Variants in HMCN1 observed in about 807,000 individuals in gnomAD.
The protein encoded by HMCN1 is hemicentin 1.
A neutral mutation model predicts 625.9 loss-of-function variants in HMCN1; 321 were observed. That is an observed-to-expected ratio of 0.51 (90% confidence interval 0.47 to 0.56). HMCN1 has a LOEUF of 0.56. HMCN1 is among the 20% of genes least tolerant of loss of function. The probability of loss-of-function intolerance (pLI) is 0.00; values close to 1 mark genes in which losing one functional copy is unlikely to be tolerated. For missense variants in HMCN1, 6,588 were observed against 6,887.3 expected, an observed-to-expected ratio of 0.96 and a Z score of 1.54; for synonymous variants, 2,425 against 2,417.6, an observed-to-expected ratio of 1.00 and a Z score of -0.09.
At position 186,081,304 on chromosome 1, in the gene HMCN1, C is replaced by A; in HGVS notation, c.8697C>A (p.Ser2899Arg). 1 of 1,613,348 alleles carries A rather than the reference C, an allele frequency of 6.2e-7. No individual in the cohort carries two copies. The highest frequency in any genetic ancestry group is 8.5e-7 in the Non-Finnish European group (1 of 1,179,438). ...TGATAGAGTGTTTATCCAGTGGCAG[C>A]CCAGCACCAAGGAATTCCTGGCAGA... ...SALIECLSSG[S>R]PAPRNSWQKD... The change falls in exon 56 of 107, where the codon AGC (serine) becomes AGA (arginine). Residue 2899 changes from serine to arginine, a missense_variant. By Grantham distance (110) the Ser-to-Arg change is moderately radical. Transcript: ENST00000271588.
intron 1 of HMCN1, among the ~76,000 whole-genome samples, chr1:185,783,749 G>A (rs555084236): frequency 1.3e-5 from 2 of 152,326 alleles, no homozygotes; most frequent in South Asian, 4.1e-4. Context: ...GTGTCAGTCT[G>A]CCCCTACTGG....
rs1398604177 is a variant in HMCN1 at position 185,911,750 on chromosome 1, A to G, written c.870A>G (p.Lys290=). 1 of 1,613,202 alleles carries G rather than the reference A, an allele frequency of 6.2e-7. No homozygotes were observed. The highest frequency in any genetic ancestry group is 1.7e-5 in the Admixed American group (1 of 59,992). ...ACTCTGCCAAAGTAGTGAATGTGAA[A>G]GAGCCAGAGGCTGGAATGTGGACAG... The part of the protein sequence containing the change: ...IHNSAKVVNV[K]EPEAGMWTVK... The change falls in exon 6 of 107, where the codon AAA becomes AAG. Residue 290 remains lysine (K), a synonymous_variant. Transcript: ENST00000271588.
At chr1:186,137,705 A>G in intron 88 of HMCN1, 37 bp downstream of exon 88, 1 of 1,613,946 alleles carries the variant, frequency 6.2e-7, no homozygotes, top group East Asian at 2.2e-5. Context: ...CATGTGTTTA[A>G]TAGACCTTCA....
chr1:185,794,739 C>T (rs901686801), intron 1 of HMCN1, among the ~76,000 whole-genome samples: 1 of 151,214 alleles, frequency 6.6e-6, no homozygotes, highest in African/African-American at 2.4e-5. Flanking sequence ...TTGGTAACAC[C>T]CTCACAGACA....
intron 2 of HMCN1, among the ~76,000 whole-genome samples, chr1:185,863,307 G>A (rs185541595): frequency 9.4e-4 from 143 of 152,248 alleles, no homozygotes; most frequent in African/African-American, 3.3e-3. Context: ...CTTATTTGTT[G>A]TTGGATGCCC....
intron 69 of HMCN1, among the ~76,000 whole-genome samples, chr1:186,106,081 G>T (rs1450301115): frequency 6.6e-6 from 1 of 152,148 alleles, no homozygotes; most frequent in Non-Finnish European, 1.5e-5. Flanking sequence ...AACCTCTAAA[G>T]TCAGTTTGAA....
At position 185,984,129 on chromosome 1, in the gene HMCN1, T is replaced by C. The variant is rs773498097; in HGVS notation, c.2791-40T>C. 10 of 1,577,350 alleles carry C rather than the reference T, an allele frequency of 6.3e-6. No homozygotes were observed. In the Admixed American group the frequency reaches 1.5e-4, roughly 24 times the overall value. Reference sequence around the variant, plus strand: ...GTTCATTTTTGACTCTCACAAATCCTTTCTTTTTAAATAAAAATTACCTTT... The same window carrying C: ...GTTCATTTTTGACTCTCACAAATCCCTTCTTTTTAAATAAAAATTACCTTT... On this transcript the variant is annotated intron_variant, in intron 18 of 106. Coordinates refer to ENST00000271588, the MANE Select transcript of HMCN1 (RefSeq NM_031935.3).
At chr1:186,087,116 C>G in intron 58 of HMCN1, 101 bp from the exon 59 acceptor site, 1 of 775,218 alleles carries the variant, frequency 1.3e-6, no homozygotes, top group Non-Finnish European at 2.3e-6. Flanking sequence ...ATAAATTTTA[C>G]TCTAAGGGGA....
chr1:186,181,849 T>G (rs1652954233), intron 104 of HMCN1, among the ~76,000 whole-genome samples: 1 of 152,156 alleles, frequency 6.6e-6, no homozygotes, highest in Non-Finnish European at 1.5e-5. Context: ...GGATCCTGTC[T>G]ACATTTGTTT....
chr1:185,896,799 G>A lies in HMCN1; in HGVS notation c.622-12538G>A, dbSNP rs74134354. Among the ~76,000 whole-genome samples the A allele has an allele frequency of 7.6e-3, 1,156 of 152,280 alleles. 13 individuals carry two copies. Among genetic ancestry groups the A allele is most frequent in the African/African-American group, 0.025 (1,040 of 41,556 alleles). On this transcript the variant is annotated intron_variant, in intron 4 of 106. Coordinates refer to ENST00000271588, the MANE Select transcript of HMCN1 (RefSeq NM_031935.3). ...TGTTGTGAAGGAATACAAAATGAAC[G>A]AGTGTACCTGCTATTTGATTTGTAG... is the stretch of plus-strand genomic sequence containing the variant.
intron 18 of HMCN1, among the ~76,000 whole-genome samples, chr1:185,983,166 G>C (rs74134256): frequency 0.031 from 4,685 of 151,518 alleles, 252 homozygotes; most frequent in African/African-American, 0.11. Context: ...ATTGTTTTTC[G>C]GTGTAAAATT....
chr1:185,901,858 T>A (rs1186112211), intron 4 of HMCN1, among the ~76,000 whole-genome samples: 2 of 151,710 alleles, frequency 1.3e-5, no homozygotes, highest in Non-Finnish European at 1.5e-5. Flanking sequence ...TGAAATGAGG[T>A]CTATATTTTG....
chr1:186,171,038 G>A (rs111318397), intron 100 of HMCN1, among the ~76,000 whole-genome samples: 1,904 of 152,270 alleles, frequency 0.013, 45 homozygotes, highest in African/African-American at 0.042. Flanking sequence ...TCCAGGACTG[G>A]AACTTCCGAG....
intron 15 of HMCN1, among the ~76,000 whole-genome samples, chr1:185,974,079 T>C (rs560532666): frequency 7.9e-5 from 12 of 152,344 alleles, no homozygotes; most frequent in African/African-American, 2.9e-4. Flanking sequence ...ATAATGTGTG[T>C]ACACAGCCAT....
chr1:185,946,906 G>T (rs1333054368), intron 11 of HMCN1, among the ~76,000 whole-genome samples: 1 of 152,120 alleles, frequency 6.6e-6, no homozygotes, highest in Non-Finnish European at 1.5e-5. Flanking sequence ...CTTAAGAAAA[G>T]AAATCTTGAT....
At position 186,062,475 on chromosome 1, in the gene HMCN1, G is replaced by A. The variant is rs370091810; in HGVS notation, c.7427-39G>A. The A allele has an allele frequency of 5.7e-6, 7 of 1,229,318 alleles. No homozygotes were observed. In the African/African-American group the frequency reaches 8.9e-5, roughly 16 times the overall value. 76.2% of individuals were successfully genotyped at this position (1,229,318 alleles called of 1,614,324 possible). On this transcript the variant is annotated intron_variant, in intron 47 of 106. Transcript: ENST00000271588. Reference sequence around the variant, plus strand: ...ATATCTATAAAATAGCAGCTTTGCTGTTAAGAGCTGTTATTTTGTTGTTGT... The same window carrying A: ...ATATCTATAAAATAGCAGCTTTGCTATTAAGAGCTGTTATTTTGTTGTTGT...
rs1467164320 is a variant in HMCN1, at chr1:186,166,874, G to A, written c.15506G>A (p.Gly5169Glu). Residue 5169 changes from glycine to glutamate, a missense_variant, in exon 100 of 107, where the codon GGA becomes GAA. Gly to Glu is a moderately conservative substitution (Grantham distance 98). Around this residue, in one of 3 missense-constraint regions of HMCN1, gnomAD observed 1,954 missense variants for 2,013.1 expected, o/e 0.97. Transcript: ENST00000271588. Reference sequence around the variant, plus strand: ...GGTCAGGACTGTGACAATACGATTGGATCTTATCGCTGTGTGGTCCGTTGT... The same window carrying A: ...GGTCAGGACTGTGACAATACGATTGAATCTTATCGCTGTGTGGTCCGTTGT... ...HAGQDCDNTI[G>E]SYRCVVRCGS... is the part of the protein sequence containing the mutation. 3 of 1,614,170 alleles carry A rather than the reference G, an allele frequency of 1.9e-6. No individual in the cohort carries two copies. Among genetic ancestry groups the A allele is most frequent in the Admixed American group, 3.3e-5 (2 of 60,014 alleles).
intron 1 of HMCN1, among the ~76,000 whole-genome samples, chr1:185,761,148 G>A (rs1655476807): frequency 6.6e-6 from 1 of 152,090 alleles, no homozygotes; most frequent in South Asian, 2.1e-4. Flanking sequence ...GGAGAATGGA[G>A]GTGGTAGTAG....
At chr1:185,782,784 T>C (rs951704978) in intron 1 of HMCN1, among the ~76,000 whole-genome samples, 1 of 152,216 alleles carries the variant, frequency 6.6e-6, no homozygotes, top group Non-Finnish European at 1.5e-5. Flanking sequence ...TAACATTTTT[T>C]CCTTCATTTC....
Sources: gnomAD v4.1 joint callset for allele counts (sites outside exome capture counted in the v4.1 genomes callset) on GRCh38, gnomAD v4.1.1 for gene constraint, gnomAD v4.1.1 regional missense constraint, MANE v1.5 for transcripts, NCBI Gene and HGNC (gene_info 2026-07-23, HGNC 2026-07-21) for gene names.